CEP135: variants seen among roughly 807,000 people sequenced by gnomAD.
The protein encoded by CEP135 is centrosomal protein 135.
A neutral mutation model predicts 157.3 loss-of-function variants in CEP135; 142 were observed. That is an observed-to-expected ratio of 0.90 (90% CI 0.79 to 1.04). CEP135 has a LOEUF of 1.04. CEP135 is among the 50% of genes least tolerant of loss of function. The pLI is 0.00. For synonymous variants in CEP135, 396 were observed against 439.8 expected, an observed-to-expected ratio of 0.90 and a Z score of 1.25; for missense variants, 1,317 against 1,309.2, an observed-to-expected ratio of 1.01 and a Z score of -0.09.
chr4:55,958,249 A>G (rs191493221), intron 5 of CEP135, among the ~76,000 whole-genome samples: 14 of 152,306 alleles, frequency 9.2e-5, no homozygotes, highest in Non-Finnish European at 1.5e-4. Context: ...AGCCTGGTCA[A>G]TATAGTGAGA....
chr4:55,983,107 CTT>C (rs1729466316), intron 13 of CEP135, among the ~76,000 whole-genome samples: 1 of 152,138 alleles, frequency 6.6e-6, no homozygotes, highest in East Asian at 1.9e-4. Flanking sequence ...TAATTGGAAT[CTT>C]TTGGAATACT....
chr4:56,008,125 GA>G (rs1471004083), intron 17 of CEP135, among the ~76,000 whole-genome samples: 3 of 152,120 alleles, frequency 2.0e-5, no homozygotes, highest in Non-Finnish European at 4.4e-5. Flanking sequence ...GCAAACTCAA[GA>G]AAACTATTCA....
rs1458737349 is a variant in CEP135, at chr4:55,974,755, T to G, written c.1259T>G (p.Leu420Arg). The change falls in exon 11 of 26, where the codon CTT becomes CGT. Residue 420 changes from leucine (L) to arginine (R), a missense_variant. By Grantham distance (102) the Leu-to-Arg change is moderately radical. Transcript: ENST00000257287. ...VESFAVTERQLTLEVERMRLE... is the reference protein window; with the variant it reads ...VESFAVTERQRTLEVERMRLE... ...CCACTTTAATTTACAGAACGACAAC[T>G]TACTCTGGAGGTTGAGAGGATGAGA... 1.2e-6 allele frequency: 2 copies of G among 1,611,198 alleles called. No homozygotes were observed. The highest frequency in any genetic ancestry group is 1.7e-6 in the Non-Finnish European group (2 of 1,178,952).
At chr4:56,001,682 T>C (rs1469700206) in intron 17 of CEP135, among the ~76,000 whole-genome samples, 3 of 152,170 alleles carry the variant, frequency 2.0e-5, no homozygotes, top group Non-Finnish European at 4.4e-5. Context: ...AGTCAGTTAG[T>C]GCGATCTCCA....
At chr4:55,989,971 G>A (rs1195024760) in intron 14 of CEP135, among the ~76,000 whole-genome samples, 2 of 152,204 alleles carry the variant, frequency 1.3e-5, no homozygotes, top group African/African-American at 4.8e-5. Flanking sequence ...GCAGCCTCCA[G>A]TCTGTTTTTG....
rs1416447613 is a variant in CEP135 at position 56,024,559 on chromosome 4, ACTCTGAGGTCTC to A, written c.3382_3393del (p.Leu1128_Pro1131del). 2 of 1,613,556 alleles carry A rather than the reference ACTCTGAGGTCTC, an allele frequency of 1.2e-6. No individual in the cohort carries two copies. Among genetic ancestry groups the A allele is most frequent in the African/African-American group, 2.7e-5 (2 of 74,822 alleles). On this transcript the variant is annotated inframe_deletion, in exon 25 of 26. Coordinates refer to ENST00000257287, the MANE Select transcript of CEP135 (RefSeq NM_025009.5). ...TCTTGCTACACCACCCCTTAGTTCCACTCTGAGGTCTCCTTCACATTCTCCTGAACATAGAAA... is the reference window on the plus strand; with the variant it reads ...TCTTGCTACACCACCCCTTAGTTCCACTTCACATTCTCCTGAACATAGAAA...
At chr4:56,002,342 A>C (rs942993077) in intron 17 of CEP135, among the ~76,000 whole-genome samples, 3 of 152,022 alleles carry the variant, frequency 2.0e-5, no homozygotes, top group African/African-American at 7.2e-5. Context: ...AGAGGCTTTC[A>C]AGTTTTCCCC....
chr4:56,029,919 G>C (rs1731286424), intron 25 of CEP135, among the ~76,000 whole-genome samples: 1 of 152,194 alleles, frequency 6.6e-6, no homozygotes, highest in African/African-American at 2.4e-5. Flanking sequence ...CCTGTTCACT[G>C]CTATAGACTT....
At chr4:56,006,006 T>G (rs1419408813) in intron 17 of CEP135, among the ~76,000 whole-genome samples, 1 of 152,206 alleles carries the variant, frequency 6.6e-6, no homozygotes, top group Non-Finnish European at 1.5e-5. Context: ...TCTTCTTGCT[T>G]TTAGGATCCT....
At chr4:55,975,105 C>A (rs1729157787) in intron 11 of CEP135, 136 bp downstream of exon 11, 2 of 621,906 alleles carry the variant, frequency 3.2e-6, no homozygotes, top group South Asian at 4.6e-5. Flanking sequence ...TCTTTTATGG[C>A]CTGCACTATA....
intron 9 of CEP135, 108 bp from the exon 10 acceptor site, chr4:55,971,162 G>T (rs752038303): frequency 2.7e-6 from 2 of 732,248 alleles, no homozygotes; most frequent in Admixed American, 6.8e-5. Flanking sequence ...GTACACACAC[G>T]TATATGTAAA....
chr4:55,953,821 G>A (rs1352468525), intron 3 of CEP135, among the ~76,000 whole-genome samples: 2 of 152,126 alleles, frequency 1.3e-5, no homozygotes, highest in Non-Finnish European at 2.9e-5. Flanking sequence ...TCTTTGAGCT[G>A]TCAAGTAGAA....
intron 6 of CEP135, 116 bp from the exon 7 acceptor site, chr4:55,964,154 ATGTT>A (rs1728770680): frequency 1.1e-6 from 1 of 876,344 alleles, no homozygotes; most frequent in African/African-American, 1.7e-5. Flanking sequence ...ACAAATATGA[ATGTT>A]AATCTCTTGC....
At position 55,974,775 on chromosome 4, in the gene CEP135, A is replaced by G; in HGVS notation, c.1279A>G (p.Met427Val). Residue 427 changes from methionine to valine, a missense_variant, in exon 11 of 26, where the codon ATG (methionine) becomes GTG (valine). Transcript: ENST00000257287. ...ERQLTLEVER[M>V]RLEHGIKRRD... is the part of the protein sequence containing the mutation. ...ACAACTTACTCTGGAGGTTGAGAGGATGAGACTAGAACATGGAATAAAACG... is the reference window on the plus strand; with the variant it reads ...ACAACTTACTCTGGAGGTTGAGAGGGTGAGACTAGAACATGGAATAAAACG... The G allele has an allele frequency of 6.2e-7, 1 of 1,613,608 alleles. No individual in the cohort carries two copies. The highest frequency in any genetic ancestry group is 8.5e-7 in the Non-Finnish European group (1 of 1,179,748).
chr4:55,953,801 T>C (rs1440987564), intron 3 of CEP135, among the ~76,000 whole-genome samples: 1 of 152,216 alleles, frequency 6.6e-6, no homozygotes, highest in Non-Finnish European at 1.5e-5. Context: ...GCTGACTGTT[T>C]TATAGTCAGT....
Position 55,974,639 on chromosome 4 carries a change from C to T in CEP135, c.1250-107C>T, listed in dbSNP as rs878881389. 1.0e-5 allele frequency: 8 copies of T among 788,456 alleles called. No individual in the cohort carries two copies. The South Asian group carries it at 1.6e-4, about 16-fold the overall frequency. 48.8% of individuals were successfully genotyped at this position (788,456 alleles called of 1,614,324 possible). A position where few individuals can be genotyped will look rare whatever the true frequency, so the allele number is the denominator to read the frequency against. On this transcript the variant is annotated intron_variant, in intron 10 of 25. Coordinates refer to ENST00000257287, the MANE Select transcript of CEP135 (RefSeq NM_025009.5). ...CCTACAGGTGTTATGTAGAACAGTTCATGATTTCTAGTAGCTTTCATTCTA... is the reference window on the plus strand; with the variant it reads ...CCTACAGGTGTTATGTAGAACAGTTTATGATTTCTAGTAGCTTTCATTCTA...
chr4:56,001,203 G>A (rs1730159760), intron 17 of CEP135, among the ~76,000 whole-genome samples: 2 of 152,058 alleles, frequency 1.3e-5, no homozygotes, highest in Admixed American at 1.3e-4. Context: ...CCATTCTGTA[G>A]GTTGTCTCTT....
At chr4:55,983,662 C>A (rs1336066840) in intron 13 of CEP135, among the ~76,000 whole-genome samples, 2 of 150,986 alleles carry the variant, frequency 1.3e-5, no homozygotes, top group Admixed American at 6.6e-5. Context: ...GAGGGGCAGT[C>A]CCGCTCACTG....
intron 15 of CEP135, 74 bp from the exon 16 acceptor site, chr4:55,999,228 A>T: frequency 1.7e-6 from 2 of 1,177,514 alleles, no homozygotes; most frequent in Non-Finnish European, 2.4e-6. Context: ...AATATTTTTA[A>T]GAAATCTCAT....
Sources: gnomAD v4.1 joint callset for allele counts (sites outside exome capture counted in the v4.1 genomes callset) on GRCh38, gnomAD v4.1.1 for gene constraint, MANE v1.5 for transcripts, NCBI Gene and HGNC (gene_info 2026-07-23, HGNC 2026-07-21) for gene names.